AFP: variants seen among roughly 807,000 people sequenced by gnomAD.
AFP encodes alpha fetoprotein, also known as alpha-fetoprotein.
A neutral mutation model predicts 78.9 loss-of-function variants in AFP; 64 were observed. That is an observed-to-expected ratio of 0.81 (90% CI 0.66 to 1.00). The LOEUF is 1.00. Among genes scored for constraint, AFP ranks in the 50% least tolerant of loss-of-function variants. The pLI is 0.00. For missense variants in AFP, 689 were observed against 703.8 expected (o/e 0.98, Z 0.24); for synonymous variants, 254 against 243.8 (o/e 1.04, Z -0.39).
chr4:73,441,632 A>G (rs193257159), intron 4 of AFP, among the ~76,000 whole-genome samples: 23 of 151,576 alleles, frequency 1.5e-4, no homozygotes, highest in Admixed American at 9.9e-4. Context: ...TCAGATTAAC[A>G]CTCACAAACA....
intron 8 of AFP, among the ~76,000 whole-genome samples, chr4:73,448,740 G>A (rs914063618): frequency 1.3e-5 from 2 of 152,104 alleles, no homozygotes; most frequent in Non-Finnish European, 2.9e-5. Context: ...TTCTCAGCCA[G>A]GAATGATCTT....
rs772087967 is a variant in AFP, at chr4:73,450,753, G to A, written c.1428G>A (p.Ala476=). ...EDKLLACGEG[A]ADIIIGHLCI... ...AACTATTGGCCTGTGGCGAGGGAGCGGTGAGTGTCTGCTTGGTTTGGTCCC... is the reference window on the plus strand; with the variant it reads ...AACTATTGGCCTGTGGCGAGGGAGCAGTGAGTGTCTGCTTGGTTTGGTCCC... Residue 476 remains alanine (A), a splice_region_variant and synonymous_variant, in exon 11 of 15, where the codon GCG becomes GCA. Coordinates refer to ENST00000395792, the MANE Select transcript of AFP (RefSeq NM_001134.3). 32 of 1,613,886 alleles carry A rather than the reference G, an allele frequency of 2.0e-5. No individual in the cohort carries two copies. Among genetic ancestry groups the A allele is most frequent in the Non-Finnish European group, 2.4e-5 (28 of 1,179,998 alleles).
chr4:73,447,316 C>G, intron 7 of AFP, 146 bp from the exon 8 acceptor site: 16 of 413,076 alleles, frequency 3.9e-5, no homozygotes, highest in Admixed American at 4.1e-5. Context: ...ATTTCCCTTT[C>G]CCCTTCCTTC....
In AFP at chr4:73,455,304, C is replaced by T; in HGVS notation, c.*10+14C>T. On this transcript the variant is annotated intron_variant, in intron 14 of 14. Coordinates refer to ENST00000395792, the MANE Select transcript of AFP (RefSeq NM_001134.3). Reference sequence around the variant, plus strand: ...AAATTACTTCAGGTAACAAAACATTCAGACAAGCCTGAATACAATGTTGTT... The same window carrying T: ...AAATTACTTCAGGTAACAAAACATTTAGACAAGCCTGAATACAATGTTGTT... 6.3e-7 allele frequency: 1 copy of T among 1,599,184 alleles called. No homozygotes were observed. The highest frequency in any genetic ancestry group is 8.6e-7 in the Non-Finnish European group (1 of 1,167,016).
intron 12 of AFP, among the ~76,000 whole-genome samples, 195 bp downstream of exon 12, chr4:73,452,819 C>T (rs559255666): frequency 1.1e-4 from 17 of 152,170 alleles, no homozygotes; most frequent in African/African-American, 3.4e-4. Context: ...GAAAAATTGA[C>T]GAGGGTGGAC....
Position 73,444,974 on chromosome 4 carries a change from A to G in AFP, c.714-19A>G, listed in dbSNP as rs1225341460. 1 of 1,589,432 alleles carries G rather than the reference A, an allele frequency of 6.3e-7. No individual in the cohort carries two copies. Among genetic ancestry groups the G allele is most frequent in the Non-Finnish European group, 8.6e-7 (1 of 1,159,634 alleles). On this transcript the variant is annotated intron_variant, in intron 6 of 14. Coordinates refer to ENST00000395792, the MANE Select transcript of AFP (RefSeq NM_001134.3). ...CAGATAACCAAGAAATTAATTTCTA[A>G]TTTCTTTTTTTTCCCTAGAACTGTT...
At chr4:73,437,544 CT>C (rs1441036036) in intron 2 of AFP, among the ~76,000 whole-genome samples, 15 of 152,028 alleles carry the variant, frequency 9.9e-5, no homozygotes, top group African/African-American at 3.4e-4. Context: ...ATAATGTTTT[CT>C]TTTCTGTATA....
intron 11 of AFP, among the ~76,000 whole-genome samples, chr4:73,451,077 C>A (rs1338873669): frequency 1.3e-5 from 2 of 152,212 alleles, no homozygotes; most frequent in Non-Finnish European, 2.9e-5. Context: ...AACTTCAAAT[C>A]ATAATTTCTG....
intron 12 of AFP, 74 bp downstream of exon 12, chr4:73,452,698 A>T: frequency 8.5e-7 from 1 of 1,176,494 alleles, no homozygotes; most frequent in Non-Finnish European, 1.2e-6. Context: ...TACCTCGCTC[A>T]CCTAACACTA....
chr4:73,453,813 A>G lies in AFP; in HGVS notation c.1701A>G (p.Gln567=). 1.9e-6 allele frequency: 3 copies of G among 1,613,810 alleles called. No individual in the cohort carries two copies. The highest frequency in any genetic ancestry group is 1.1e-5 in the South Asian group (1 of 91,084). The change falls in exon 13 of 15, where the codon CAA becomes CAG. Residue 567 remains glutamine (Q), a synonymous_variant. Transcript: ENST00000395792. ...VKQKPQITEE[Q]LEAVIADFSG... is the part of the protein sequence containing the mutation. ...AAAAGCCACAAATAACAGAGGAACA[A>G]CTTGAGGCTGTCATTGCAGATTTCT...
At chr4:73,437,031 T>A (rs1445148944) in intron 1 of AFP, 129 bp from the exon 2 acceptor site, 1 of 727,556 alleles carries the variant, frequency 1.4e-6, no homozygotes, top group Non-Finnish European at 2.4e-6. Flanking sequence ...ATGCTTAGGT[T>A]ATCCCTAATG....
At chr4:73,437,063 A>G in intron 1 of AFP, 97 bp from the exon 2 acceptor site, 2 of 926,152 alleles carry the variant, frequency 2.2e-6, no homozygotes, top group Non-Finnish European at 3.5e-6. Flanking sequence ...CTGAAACTGT[A>G]CAGTTCTAAC....
intron 8 of AFP, among the ~76,000 whole-genome samples, chr4:73,448,805 G>C (rs1453460829): frequency 2.6e-5 from 4 of 152,144 alleles, no homozygotes; most frequent in African/African-American, 9.6e-5. Flanking sequence ...TCTGATATCA[G>C]CTGCCTAGAG....
intron 8 of AFP, among the ~76,000 whole-genome samples, 176 bp from the exon 9 acceptor site, chr4:73,449,159 A>G (rs1719914033): frequency 6.6e-6 from 1 of 152,226 alleles, no homozygotes; most frequent in Non-Finnish European, 1.5e-5. Flanking sequence ...TTGAAGGATC[A>G]CAGTCTGTAT....
chr4:73,455,489 G>C (rs550140809), intron 14 of AFP, 142 bp from the exon 15 acceptor site: 44 of 640,200 alleles, frequency 6.9e-5, no homozygotes, highest in South Asian at 6.0e-4. Flanking sequence ...AATCCTTTTT[G>C]GTTATTTAAA....
intron 7 of AFP, among the ~76,000 whole-genome samples, chr4:73,446,501 G>A (rs1295829836): frequency 6.6e-6 from 1 of 152,114 alleles, no homozygotes; most frequent in Non-Finnish European, 1.5e-5. Context: ...TGTAAGCTCT[G>A]CCTCTCTCTG....
At chr4:73,449,221 T>C in intron 8 of AFP, 114 bp from the exon 9 acceptor site, 1 of 934,184 alleles carries the variant, frequency 1.1e-6, no homozygotes. Context: ...TTCAGGTTTA[T>C]TTATTTGAAT....
At chr4:73,445,745 A>G (rs919307730) in intron 7 of AFP, among the ~76,000 whole-genome samples, 2 of 152,236 alleles carry the variant, frequency 1.3e-5, no homozygotes, top group Non-Finnish European at 2.9e-5. Flanking sequence ...GCCAAAGACA[A>G]GTGTGAATAA....
Position 73,450,764 on chromosome 4 carries a change from G to C in AFP, c.1428+11G>C. 1 of 1,613,770 alleles carries C rather than the reference G, an allele frequency of 6.2e-7. No individual in the cohort carries two copies. The highest frequency in any genetic ancestry group is 1.1e-5 in the South Asian group (1 of 91,062). On this transcript the variant is annotated intron_variant, in intron 11 of 14. Transcript: ENST00000395792. ...TGTGGCGAGGGAGCGGTGAGTGTCT[G>C]CTTGGTTTGGTCCCATCTCATTTCT...
Sources: allele counts gnomAD v4.1 joint callset (sites outside exome capture counted in the v4.1 genomes callset), GRCh38; gene constraint gnomAD v4.1.1; transcripts MANE v1.5; gene names NCBI Gene and HGNC (gene_info 2026-07-23, HGNC 2026-07-21).